The following NCKAP5 variants were observed in gnomAD, a reference collection of about 807,000 sequenced individuals.
NCKAP5 encodes nck-associated protein 5.
Under a neutral mutation model 167.0 loss-of-function variants are expected in NCKAP5, and 92 were observed. That is an observed-to-expected ratio of 0.55 (90% CI 0.47 to 0.66). The LOEUF (loss-of-function observed/expected upper bound fraction) is 0.66. Ranked by LOEUF, NCKAP5 falls within the 30% of genes least tolerant of loss-of-function variation. The pLI, the probability that NCKAP5 is intolerant of heterozygous loss-of-function variation, is 0.00. For synonymous variants in NCKAP5, 891 were observed against 877.4 expected (o/e 1.02, Z -0.27); for missense variants, 2,378 against 2,315.0 (o/e 1.03, Z -0.56).
At chr2:133,542,358 A>T (rs867278281) in intron 2 of NCKAP5, among the ~76,000 whole-genome samples, 37 of 152,286 alleles carry the variant, frequency 2.4e-4, no homozygotes, top group African/African-American at 7.9e-4. Context: ...CTATAATCCT[A>T]TAATGTGTTT....
At chr2:133,207,302 T>C (rs1321997133) in intron 5 of NCKAP5, among the ~76,000 whole-genome samples, 1 of 152,112 alleles carries the variant, frequency 6.6e-6, no homozygotes, top group East Asian at 1.9e-4. Context: ...TTAGGGAAAA[T>C]AGAAAGGACC....
At chr2:132,890,645 A>C (rs1397124380) in intron 8 of NCKAP5, among the ~76,000 whole-genome samples, 1 of 152,154 alleles carries the variant, frequency 6.6e-6, no homozygotes, top group Non-Finnish European at 1.5e-5. Context: ...AACACCAAGA[A>C]CTGGAGCTGG....
chr2:133,650,207 T>C, the NCKAP5 span, among the ~76,000 whole-genome samples: 41 of 151,952 alleles, frequency 2.7e-4, no homozygotes, highest in Non-Finnish European at 5.0e-4. Context: ...ATGAAAGAAA[T>C]TGAATAGGAT....
chr2:132,920,021 C>G (rs1695187053), intron 8 of NCKAP5, among the ~76,000 whole-genome samples: 1 of 152,202 alleles, frequency 6.6e-6, no homozygotes, highest in Non-Finnish European at 1.5e-5. Context: ...ATTTTAAAAT[C>G]CAAGTAGCAA....
At position 132,789,392 on chromosome 2, in the gene NCKAP5, C is replaced by T. The variant is rs549411366; in HGVS notation, c.1092+631G>A. On this transcript the variant is annotated intron_variant, in intron 13 of 19. Coordinates refer to ENST00000409261, the MANE Select transcript of NCKAP5 (RefSeq NM_207363.3). ...GAAGTCTGAGTCCCAGGGAATAAGC[C>T]CTAAATGCAACCTTGAGATCTTCTG... 2.0e-5 allele frequency among the ~76,000 whole-genome samples: 3 copies of T among 152,200 alleles called. No homozygotes were observed. The South Asian group carries it at 6.2e-4, about 32-fold the overall frequency.
chr2:132,902,447 C>A (rs139670525), intron 8 of NCKAP5, among the ~76,000 whole-genome samples: 180 of 152,302 alleles, frequency 1.2e-3, no homozygotes, highest in African/African-American at 3.9e-3. Context: ...CTGGTTTCCA[C>A]GTGTGTTGCC....
intron 3 of NCKAP5, among the ~76,000 whole-genome samples, chr2:133,459,818 G>T (rs886990162): frequency 6.6e-6 from 1 of 152,148 alleles, no homozygotes; most frequent in Non-Finnish European, 1.5e-5. Flanking sequence ...CTGTTCAGGC[G>T]TGGGAAGCAC....
At chr2:132,767,273 CT>C (rs1192928049) in intron 16 of NCKAP5, among the ~76,000 whole-genome samples, 1 of 151,818 alleles carries the variant, frequency 6.6e-6, no homozygotes, top group East Asian at 1.9e-4. Flanking sequence ...TGAGACAGAG[CT>C]TTGCTCTTGT....
chr2:132,898,649 A>G (rs974293533), intron 8 of NCKAP5, among the ~76,000 whole-genome samples: 8 of 152,204 alleles, frequency 5.3e-5, no homozygotes, highest in Non-Finnish European at 8.8e-5. Context: ...AGGCATGAAA[A>G]CAACATTAAT....
intron 5 of NCKAP5, among the ~76,000 whole-genome samples, chr2:133,132,518 A>C (rs949712738): frequency 9.1e-5 from 10 of 110,446 alleles, no homozygotes; most frequent in African/African-American, 2.9e-4. Context: ...CACACACACA[A>C]ACCCTGATAA....
intron 3 of NCKAP5, among the ~76,000 whole-genome samples, chr2:133,492,144 A>AGTGTGTGTGTGTGTGTGTGTGTGTGTGT (rs371797170): frequency 0.03 from 4,189 of 141,376 alleles, 166 homozygotes; most frequent in African/African-American, 0.068. Flanking sequence ...ATATCTAGTT[A>AGTGTGTGTGTGTGTGTGTGTGTGTGTGT]GTGTGTGTGT....
intron 1 of NCKAP5, among the ~76,000 whole-genome samples, chr2:133,564,126 C>T (rs1688377407): frequency 6.6e-6 from 1 of 151,618 alleles, no homozygotes; most frequent in East Asian, 1.9e-4. Flanking sequence ...AAGAGTGAAA[C>T]TCCATTTCAA....
chr2:133,043,223 G>C (rs2079273039), intron 6 of NCKAP5, among the ~76,000 whole-genome samples: 1 of 152,098 alleles, frequency 6.6e-6, no homozygotes, highest in Admixed American at 6.6e-5. Flanking sequence ...AGATTTAGAA[G>C]AGTTTAAAAA....
At chr2:132,751,417 C>G (rs1348156055) in intron 16 of NCKAP5, among the ~76,000 whole-genome samples, 1 of 152,150 alleles carries the variant, frequency 6.6e-6, no homozygotes, top group Non-Finnish European at 1.5e-5. Flanking sequence ...AACCTGTTTT[C>G]TTCGATAAAT....
chr2:133,431,359 T>C (rs1690147896), intron 3 of NCKAP5, among the ~76,000 whole-genome samples: 1 of 152,156 alleles, frequency 6.6e-6, no homozygotes, highest in Non-Finnish European at 1.5e-5. Flanking sequence ...ACAGAATTAA[T>C]TACTGTATGT....
At chr2:133,488,120 G>A (rs548614669) in intron 3 of NCKAP5, among the ~76,000 whole-genome samples, 60 of 152,302 alleles carry the variant, frequency 3.9e-4, no homozygotes, top group African/African-American at 1.4e-3. Flanking sequence ...AATTTTAAAT[G>A]TAGTTGTCAA....
intron 8 of NCKAP5, chr2:132,910,981 A>C: frequency 6.0e-6 from 1 of 165,680 alleles, no homozygotes. Flanking sequence ...AATGGATGCC[A>C]CATCTCTTGG....
intron 15 of NCKAP5, among the ~76,000 whole-genome samples, chr2:132,774,248 T>C (rs2104963393): frequency 6.6e-6 from 1 of 152,314 alleles, no homozygotes; most frequent in East Asian, 1.9e-4. Context: ...ACAGGGCTGT[T>C]AGGAAACGTT....
chr2:133,124,328 A>T (rs905808933), intron 6 of NCKAP5, among the ~76,000 whole-genome samples: 2 of 152,218 alleles, frequency 1.3e-5, no homozygotes, highest in African/African-American at 4.8e-5. Context: ...TTCAAGGCTG[A>T]AGAGGCCTGA....
Sources: allele counts gnomAD v4.1 joint callset (sites outside exome capture counted in the v4.1 genomes callset), GRCh38; gene constraint gnomAD v4.1.1; transcripts MANE v1.5; gene names NCBI Gene and HGNC (gene_info 2026-07-23, HGNC 2026-07-21).